Variants in AFG2A observed in about 807,000 individuals in gnomAD.
AFG2A encodes the protein AAA ATPase AFG2A, also known as ATPase family gene 2 protein homolog A.
the AFG2A span, among the ~76,000 whole-genome samples, chr4:123,282,326 T>C: frequency 6.6e-6 from 1 of 152,200 alleles, no homozygotes; most frequent in African/African-American, 2.4e-5. Flanking sequence ...TAGTTTTTCC[T>C]CTCCTCCAAC....
At chr4:123,013,527 A>G in the AFG2A span, among the ~76,000 whole-genome samples, 2 of 152,196 alleles carry the variant, frequency 1.3e-5, no homozygotes, top group African/African-American at 4.8e-5. Flanking sequence ...GTTCTCACTC[A>G]TAAGTGGGAG....
chr4:123,023,528 C>T, the AFG2A span, among the ~76,000 whole-genome samples: 1 of 152,172 alleles, frequency 6.6e-6, no homozygotes, highest in Non-Finnish European at 1.5e-5. Flanking sequence ...TTCCTTCTAA[C>T]TCTTTCTTTG....
At chr4:122,929,157 G>A in the AFG2A span, 1 of 1,611,998 alleles carries the variant, frequency 6.2e-7, no homozygotes, top group Non-Finnish European at 8.5e-7. Flanking sequence ...GCCTCTTGTG[G>A]GTGCTGTGCT....
the AFG2A span, among the ~76,000 whole-genome samples, chr4:123,257,557 A>G: frequency 9.6e-4 from 146 of 152,338 alleles, 1 homozygote; most frequent in Non-Finnish European, 1.7e-3. Context: ...TGTGGAAAGT[A>G]GCTTGAGAAG....
chr4:123,113,676 C>A, the AFG2A span, among the ~76,000 whole-genome samples: 1 of 152,078 alleles, frequency 6.6e-6, no homozygotes, highest in Non-Finnish European at 1.5e-5. Flanking sequence ...AAGGTTGGGC[C>A]TGATTTTGTT....
chr4:122,933,649 G>A, the AFG2A span: 1 of 643,470 alleles, frequency 1.6e-6, no homozygotes, highest in Admixed American at 3.2e-5. Flanking sequence ...TTTTAAGATA[G>A]GGATGTGCTA....
chr4:123,079,639 AG>A, the AFG2A span, among the ~76,000 whole-genome samples: 1 of 151,640 alleles, frequency 6.6e-6, no homozygotes, highest in Non-Finnish European at 1.5e-5. Flanking sequence ...CGCCAATGCT[AG>A]GAGTATAACC....
At chr4:123,023,813 G>A in the AFG2A span, among the ~76,000 whole-genome samples, 2 of 152,148 alleles carry the variant, frequency 1.3e-5, no homozygotes, top group African/African-American at 4.8e-5. Flanking sequence ...ACCCTGCACT[G>A]TACGGCCTTC....
the AFG2A span, among the ~76,000 whole-genome samples, chr4:123,260,498 G>A: frequency 6.6e-6 from 1 of 152,150 alleles, no homozygotes; most frequent in Non-Finnish European, 1.5e-5. Flanking sequence ...TAAAAGGAGA[G>A]CCTTAAATTA....
chr4:123,138,691 G>GA, the AFG2A span, among the ~76,000 whole-genome samples: 30 of 150,808 alleles, frequency 2.0e-4, no homozygotes, highest in African/African-American at 6.6e-4. Context: ...TTAACATTTG[G>GA]AAAAAAAATA....
the AFG2A span, among the ~76,000 whole-genome samples, chr4:123,181,666 A>G: frequency 6.6e-5 from 10 of 152,282 alleles, 1 homozygote; most frequent in South Asian, 1.0e-3. Context: ...ATTCCAAGCT[A>G]AAGTGCTCTA....
chr4:122,928,773 G>A, the AFG2A span, among the ~76,000 whole-genome samples: 4 of 151,550 alleles, frequency 2.6e-5, no homozygotes, highest in Admixed American at 6.6e-5. Flanking sequence ...ATCTTCTACC[G>A]TCTTCACTGT....
At chr4:123,284,364 G>C in the AFG2A span, among the ~76,000 whole-genome samples, 1 of 152,150 alleles carries the variant, frequency 6.6e-6, no homozygotes, top group Non-Finnish European at 1.5e-5. Context: ...TCTTTGCCTT[G>C]AAAGGACAAA....
the AFG2A span, among the ~76,000 whole-genome samples, chr4:123,073,429 T>G: frequency 6.6e-6 from 1 of 152,166 alleles, no homozygotes; most frequent in African/African-American, 2.4e-5. Context: ...AAATATAAAT[T>G]TGTCTCTTTT....
At chr4:123,048,404 T>G in the AFG2A span, among the ~76,000 whole-genome samples, 1 of 152,206 alleles carries the variant, frequency 6.6e-6, no homozygotes, top group Non-Finnish European at 1.5e-5. Flanking sequence ...AAGAATGCCC[T>G]TGGTATTTTG....
chr4:123,098,473 C>T, the AFG2A span, among the ~76,000 whole-genome samples: 4 of 151,910 alleles, frequency 2.6e-5, no homozygotes, highest in African/African-American at 9.7e-5. Context: ...GAACTTATTT[C>T]TCCTGTTTAA....
the AFG2A span, among the ~76,000 whole-genome samples, chr4:123,115,838 A>T: frequency 6.6e-6 from 1 of 152,160 alleles, no homozygotes; most frequent in African/African-American, 2.4e-5. Flanking sequence ...GAGAAGAAAA[A>T]CATGGATGTA....
At chr4:123,021,379 A>G in the AFG2A span, among the ~76,000 whole-genome samples, 1 of 152,142 alleles carries the variant, frequency 6.6e-6, no homozygotes, top group African/African-American at 2.4e-5. Flanking sequence ...CAGAATCTTA[A>G]ATTTATAGCT....
At chr4:123,020,552 A>G in the AFG2A span, among the ~76,000 whole-genome samples, 4 of 151,964 alleles carry the variant, frequency 2.6e-5, no homozygotes, top group South Asian at 2.1e-4. Flanking sequence ...TATTTTTAGT[A>G]GAGGCGGGGT....
Sources: gnomAD v4.1 joint callset for allele counts (sites outside exome capture counted in the v4.1 genomes callset) on GRCh38, gnomAD v4.1.1 for gene constraint, MANE v1.5 for transcripts, NCBI Gene and HGNC (gene_info 2026-07-23, HGNC 2026-07-21) for gene names.